SAMTOR: variants seen among roughly 807,000 people sequenced by gnomAD.
SAMTOR encodes the protein UPF0532 protein C7orf60.
chr7:112,850,442 A>T, the SAMTOR span, among the ~76,000 whole-genome samples: 1 of 152,122 alleles, frequency 6.6e-6, no homozygotes, highest in Admixed American at 6.5e-5. Flanking sequence ...AATTCACTAC[A>T]CCTCAATTTT....
the SAMTOR span, among the ~76,000 whole-genome samples, chr7:112,907,842 C>CTTACTTATTTAT: frequency 0.012 from 1,696 of 146,418 alleles, 17 homozygotes; most frequent in Admixed American, 0.014. Context: ...TTCTTACTTA[C>CTTACTTATTTAT]TTATTTATTT....
the SAMTOR span, among the ~76,000 whole-genome samples, chr7:112,898,475 A>G: frequency 1.3e-5 from 2 of 152,298 alleles, no homozygotes; most frequent in Middle Eastern, 3.4e-3. Context: ...ACAGTAAAAC[A>G]AAGCACCAGG....
the SAMTOR span, among the ~76,000 whole-genome samples, chr7:112,898,403 T>C: frequency 3.9e-5 from 6 of 151,918 alleles, no homozygotes; most frequent in Admixed American, 1.3e-4. Flanking sequence ...CTTCTTCCAC[T>C]TGGGGCAAGG....
At chr7:112,860,263 G>C in the SAMTOR span, among the ~76,000 whole-genome samples, 1 of 152,146 alleles carries the variant, frequency 6.6e-6, no homozygotes, top group South Asian at 2.1e-4. Flanking sequence ...CACAACGATT[G>C]ACTAATGACA....
chr7:112,848,678 A>T, the SAMTOR span, among the ~76,000 whole-genome samples: 10 of 152,336 alleles, frequency 6.6e-5, no homozygotes, highest in African/African-American at 2.4e-4. Flanking sequence ...AATCATAGTT[A>T]ACTGAAAAGG....
At chr7:112,908,342 C>A in the SAMTOR span, among the ~76,000 whole-genome samples, 3 of 152,126 alleles carry the variant, frequency 2.0e-5, no homozygotes, top group Non-Finnish European at 2.9e-5. Context: ...AACTGGGACA[C>A]CAGCTTTTTC....
the SAMTOR span, among the ~76,000 whole-genome samples, chr7:112,857,387 G>A: frequency 2.0e-5 from 3 of 148,742 alleles, no homozygotes; most frequent in East Asian, 1.9e-4. Context: ...CACCGCGCCC[G>A]GCCATGTTCT....
At chr7:112,914,202 T>C in the SAMTOR span, among the ~76,000 whole-genome samples, 13 of 151,714 alleles carry the variant, frequency 8.6e-5, 1 homozygote, top group Middle Eastern at 3.2e-3. Context: ...AACCAGAAGT[T>C]ATCATAAACT....
At chr7:112,888,962 A>C in the SAMTOR span, among the ~76,000 whole-genome samples, 1 of 152,174 alleles carries the variant, frequency 6.6e-6, no homozygotes. Context: ...ATTTAGACAC[A>C]AACAGTGGTA....
chr7:112,854,748 C>G, the SAMTOR span, among the ~76,000 whole-genome samples: 52 of 152,150 alleles, frequency 3.4e-4, 1 homozygote, highest in East Asian at 9.6e-4. Context: ...TCTTACAGAC[C>G]TTTTCTGGAA....
chr7:112,864,065 A>G, the SAMTOR span, among the ~76,000 whole-genome samples: 1 of 152,238 alleles, frequency 6.6e-6, no homozygotes, highest in Admixed American at 6.5e-5. Flanking sequence ...AATACTATGC[A>G]GCTATAAAAA....
chr7:112,912,135 A>T, the SAMTOR span, among the ~76,000 whole-genome samples: 2 of 152,048 alleles, frequency 1.3e-5, no homozygotes, highest in Admixed American at 1.3e-4. Flanking sequence ...CTGTCTTAAT[A>T]TGATGACGGT....
chr7:112,880,323 C>A, the SAMTOR span, among the ~76,000 whole-genome samples: 3 of 151,906 alleles, frequency 2.0e-5, no homozygotes, highest in Non-Finnish European at 2.9e-5. Flanking sequence ...GTAATTCCCC[C>A]CAAAAAACCA....
the SAMTOR span, chr7:112,895,753 T>A: frequency 6.7e-7 from 1 of 1,485,180 alleles, no homozygotes; most frequent in African/African-American, 1.4e-5. Flanking sequence ...CAAGTAAAAA[T>A]AAAGTTGTAT....
chr7:112,888,506 G>C, the SAMTOR span, among the ~76,000 whole-genome samples: 4 of 152,072 alleles, frequency 2.6e-5, no homozygotes, highest in Admixed American at 6.6e-5. Context: ...ATTGGGGTTT[G>C]GGATAAAATT....
chr7:112,863,818 G>A, the SAMTOR span, among the ~76,000 whole-genome samples: 3 of 152,142 alleles, frequency 2.0e-5, no homozygotes, highest in Admixed American at 6.5e-5. Context: ...TGGTGGGAGC[G>A]TAAACTAGTT....
chr7:112,819,501 C>T, the SAMTOR span: 2 of 152,354 alleles, frequency 1.3e-5, no homozygotes, highest in African/African-American at 4.8e-5. Flanking sequence ...ACTGCTTATA[C>T]TTCAATACTT....
the SAMTOR span, among the ~76,000 whole-genome samples, chr7:112,850,551 G>C: frequency 1.3e-5 from 2 of 152,128 alleles, no homozygotes; most frequent in Non-Finnish European, 2.9e-5. Flanking sequence ...TTTGTTGGGA[G>C]AGTTTTTACT....
At chr7:112,886,273 T>C in the SAMTOR span, among the ~76,000 whole-genome samples, 6 of 152,278 alleles carry the variant, frequency 3.9e-5, no homozygotes, top group East Asian at 1.2e-3. Context: ...TTTTATTCCA[T>C]CATGTTAATA....
Sources: allele counts gnomAD v4.1 joint callset (sites outside exome capture counted in the v4.1 genomes callset), GRCh38; gene constraint gnomAD v4.1.1; transcripts MANE v1.5; gene names NCBI Gene and HGNC (gene_info 2026-07-23, HGNC 2026-07-21).